BIRC6: variants seen among roughly 807,000 people sequenced by gnomAD.
BIRC6 encodes the protein dual E2 ubiquitin-conjugating enzyme/E3 ubiquitin-protein ligase BIRC6.
BIRC6 carries 98 observed loss-of-function variants against 503.3 expected under a neutral mutation model. That is an observed-to-expected ratio of 0.19 (90% CI 0.17 to 0.23). The LOEUF (loss-of-function observed/expected upper bound fraction) is 0.23, where lower values mean the gene tolerates loss of function less well. Ranked by LOEUF, BIRC6 falls within the 10% of genes least tolerant of loss-of-function variation. The pLI, the probability that BIRC6 is intolerant of heterozygous loss-of-function variation, is 1.00. For synonymous variants in BIRC6, 2,240 were observed against 2,078.7 expected (o/e 1.08, Z -2.11); for missense variants, 5,360 against 5,806.0 (o/e 0.92, Z 2.50).
Position 32,395,540 on chromosome 2 carries a change from G to C in BIRC6, c.981G>C (p.Met327Ile). ...CCTCATCTGGAGATGATAGAGCCAT[G>C]TGTTTTACTTGTAGTGTATGCCTCG... ...QPASSGDDRA[M>I]CFTCSVCLVC... Residue 327 changes from methionine (M) to isoleucine (I), a missense_variant, in exon 6 of 74, where the codon ATG becomes ATC. Met to Ile is a conservative substitution (Grantham distance 10). Coordinates refer to ENST00000421745, the MANE Select transcript of BIRC6 (RefSeq NM_016252.4). 1 of 1,613,000 alleles carries C rather than the reference G, an allele frequency of 6.2e-7. No individual in the cohort carries two copies. The highest frequency in any genetic ancestry group is 8.5e-7 in the Non-Finnish European group (1 of 1,179,148).
At chr2:32,414,360 G>A (rs1049555247) in intron 9 of BIRC6, among the ~76,000 whole-genome samples, 4 of 151,776 alleles carry the variant, frequency 2.6e-5, no homozygotes, top group South Asian at 2.1e-4. Flanking sequence ...AATATGGAGG[G>A]CTGACTGCAC....
chr2:32,390,308 C>T (rs1044475639), intron 4 of BIRC6, among the ~76,000 whole-genome samples: 2 of 152,144 alleles, frequency 1.3e-5, no homozygotes, highest in Non-Finnish European at 2.9e-5. Context: ...GTAGCTGTGA[C>T]TACAGGTGCC....
At chr2:32,455,336 C>T (rs1015029870) in intron 23 of BIRC6, among the ~76,000 whole-genome samples, 13 of 143,328 alleles carry the variant, frequency 9.1e-5, no homozygotes, top group African/African-American at 2.9e-4. Flanking sequence ...GCTGAGATCG[C>T]GCTACTGCAT....
intron 61 of BIRC6, among the ~76,000 whole-genome samples, chr2:32,536,213 G>GT (rs1479536560): frequency 2.6e-5 from 4 of 152,104 alleles, no homozygotes; most frequent in African/African-American, 9.7e-5. Flanking sequence ...TTAGCCCTTT[G>GT]TCAGATGAGT....
In BIRC6 at chr2:32,464,496, A is replaced by G; in HGVS notation, c.4942-13A>G. The G allele has an allele frequency of 6.5e-7, 1 of 1,549,458 alleles. No homozygotes were observed. Among genetic ancestry groups the G allele is most frequent in the Non-Finnish European group, 8.7e-7 (1 of 1,145,370 alleles). ...GGATTAGTCTATATATGTTGCTTTT[A>G]CTTCTTTTGCAGAAAGCAAAGCTGG... On this transcript the variant is annotated splice_polypyrimidine_tract_variant and intron_variant, in intron 24 of 73. Transcript: ENST00000421745.
intron 9 of BIRC6, among the ~76,000 whole-genome samples, chr2:32,410,897 T>A (rs2041797524): frequency 6.6e-6 from 1 of 152,100 alleles, no homozygotes; most frequent in African/African-American, 2.4e-5. Context: ...AGACGGGGTT[T>A]CGCTGTGTTA....
In BIRC6 at chr2:32,435,707, AT is replaced by A. The variant is rs747538329; in HGVS notation, c.3499+123del. ...TTGGTTTCAAGAACACAATTAAAAA[AT>A]AACCTATAATTCTGCTTTGGCAATA... On this transcript the variant is annotated intron_variant, in intron 14 of 73. Coordinates refer to ENST00000421745, the MANE Select transcript of BIRC6 (RefSeq NM_016252.4). 838 of 1,039,406 alleles carry A rather than the reference AT, an allele frequency of 8.1e-4. 1 individual carries two copies. The highest frequency in any genetic ancestry group is 9.6e-4 in the Non-Finnish European group (718 of 751,336). 64.4% of individuals were successfully genotyped at this position (1,039,406 alleles called of 1,614,324 possible).
chr2:32,569,741 A>G (rs1425574900), intron 65 of BIRC6, among the ~76,000 whole-genome samples: 1 of 150,574 alleles, frequency 6.6e-6, no homozygotes, highest in Non-Finnish European at 1.5e-5. Flanking sequence ...CTAGATGATT[A>G]TTGGTGTATA....
intron 3 of BIRC6, among the ~76,000 whole-genome samples, chr2:32,387,301 C>CTTTT (rs1281320241): frequency 8.1e-6 from 1 of 123,440 alleles, no homozygotes; most frequent in African/African-American, 3.0e-5. Flanking sequence ...CATTCTCCCT[C>CTTTT]TTTTTTTTTT....
At chr2:32,429,379 A>T in intron 11 of BIRC6, 84 bp downstream of exon 11, 1 of 1,068,168 alleles carries the variant, frequency 9.4e-7, no homozygotes. Flanking sequence ...ATGTAAACAT[A>T]TTAAAGTAAG....
At chr2:32,530,898 T>G (rs2056690460) in intron 60 of BIRC6, among the ~76,000 whole-genome samples, 1 of 152,218 alleles carries the variant, frequency 6.6e-6, no homozygotes, top group Admixed American at 6.5e-5. Flanking sequence ...ATTTTTTGTT[T>G]TAAGTAAGGG....
intron 63 of BIRC6, among the ~76,000 whole-genome samples, chr2:32,546,182 G>A (rs913410581): frequency 2.0e-5 from 3 of 152,144 alleles, no homozygotes; most frequent in African/African-American, 4.8e-5. Flanking sequence ...ACTATAGAAT[G>A]GGGGTTGTGG....
intron 1 of BIRC6, among the ~76,000 whole-genome samples, chr2:32,364,970 T>C (rs556223472): frequency 3.2e-4 from 49 of 152,298 alleles, no homozygotes; most frequent in African/African-American, 1.1e-3. Flanking sequence ...ATTCCTACTC[T>C]CAACTATTCT....
At chr2:32,358,320 A>G (rs1459588047) in intron 1 of BIRC6, among the ~76,000 whole-genome samples, 2 of 152,022 alleles carry the variant, frequency 1.3e-5, no homozygotes, top group South Asian at 2.1e-4. Context: ...GAGTCTCACC[A>G]TTGGAGGAGA....
chr2:32,408,723 G>A (rs1398341599), intron 9 of BIRC6, among the ~76,000 whole-genome samples: 1 of 152,074 alleles, frequency 6.6e-6, no homozygotes, highest in African/African-American at 2.4e-5. Flanking sequence ...AGCTAATAGT[G>A]TCTTGAAAAT....
intron 61 of BIRC6, among the ~76,000 whole-genome samples, chr2:32,533,461 A>G (rs978004000): frequency 1.3e-5 from 2 of 152,232 alleles, no homozygotes; most frequent in Non-Finnish European, 1.5e-5. Context: ...ACAAGCAATC[A>G]GTGCTTGTCA....
intron 69 of BIRC6, among the ~76,000 whole-genome samples, chr2:32,599,492 A>T (rs1286803134): frequency 2.0e-5 from 3 of 148,848 alleles, no homozygotes; most frequent in Admixed American, 6.7e-5. Context: ...ACAAAAATTA[A>T]CCGGGCATGT....
At chr2:32,453,701 A>AT in intron 22 of BIRC6, 107 bp from the exon 23 acceptor site, 1 of 1,085,390 alleles carries the variant, frequency 9.2e-7, no homozygotes, top group Non-Finnish European at 1.4e-6. Context: ...AGAGTTGTGT[A>AT]TTTATATGTT....
intron 57 of BIRC6, chr2:32,522,735 G>A (rs929695324): frequency 4.6e-5 from 7 of 152,108 alleles, no homozygotes; most frequent in African/African-American, 1.7e-4. Context: ...CTGAAACCCT[G>A]GGGTTGCTTG....
Sources: gnomAD v4.1 joint callset for allele counts (sites outside exome capture counted in the v4.1 genomes callset) on GRCh38, gnomAD v4.1.1 for gene constraint, MANE v1.5 for transcripts, NCBI Gene and HGNC (gene_info 2026-07-23, HGNC 2026-07-21) for gene names.